TIGAR: variants seen among roughly 807,000 people sequenced by gnomAD.
TIGAR encodes TP53 induced glycolysis regulatory phosphatase, also known as fructose-2,6-bisphosphatase TIGAR.
Under a neutral mutation model 17.9 loss-of-function variants are expected in TIGAR, and 7 were observed. The ratio of observed to expected loss-of-function variants is 0.39; its 90% CI spans 0.22 to 0.73. TIGAR has a LOEUF of 0.73. TIGAR is among the 30% of genes least tolerant of loss of function. The pLI, the probability that TIGAR is intolerant of heterozygous loss-of-function variation, is 0.42. For synonymous variants in TIGAR, 94 were observed against 108.6 expected (o/e 0.87, Z 0.84); for missense variants, 258 against 327.4 (o/e 0.79, Z 1.64).
chr12:4,332,543 C>T (rs543734038), intron 2 of TIGAR, among the ~76,000 whole-genome samples: 1 of 152,330 alleles, frequency 6.6e-6, no homozygotes, highest in Admixed American at 6.5e-5. Context: ...CGCACGCGGC[C>T]TCAAGGCTTA....
In TIGAR at chr12:4,324,645, C is replaced by T. The variant is rs115257994; in HGVS notation, c.32+3342C>T. 3.1e-3 allele frequency: 4,224 copies of T among 1,367,986 alleles called. 97 individuals are homozygous for T. The African/African-American group carries it at 0.051, about 17-fold the overall frequency. 84.7% of individuals were successfully genotyped at this position (1,367,986 alleles called of 1,614,324 possible). ...TGGCCTTGCGCAGGCGCTTCAGCAG[C>T]GAGTTCTGTTTCCGCCGCAGGCCCG... On this transcript the variant is annotated intron_variant, in intron 1 of 5. Transcript: ENST00000179259.
intron 3 of TIGAR, among the ~76,000 whole-genome samples, chr12:4,338,975 C>CAAA (rs199840929): frequency 0.26 from 9,521 of 37,296 alleles, 1,446 homozygotes; most frequent in East Asian, 0.4. Context: ...AACTTTGTCT[C>CAAA]ACAAAAAAAA....
rs571146481 is a variant in TIGAR at position 4,342,962 on chromosome 12, A to T, written c.192+5802A>T. 2.6e-5 allele frequency among the ~76,000 whole-genome samples: 4 copies of T among 152,324 alleles called. No homozygotes were observed. The South Asian group carries it at 6.2e-4, about 24-fold the overall frequency. ...CTGGCAACTTGGATAAAGAGTCAAG[A>T]CCCATCAGTGTGCTGTATTCAGGAA... On this transcript the variant is annotated intron_variant, in intron 3 of 5. Coordinates refer to ENST00000179259, the MANE Select transcript of TIGAR (RefSeq NM_020375.3).
rs1864921997 is a variant in TIGAR, at chr12:4,357,827, GGC to G, written c.*5138_*5139del. Among the ~76,000 whole-genome samples, 1 of 151,172 alleles carries G rather than the reference GGC, an allele frequency of 6.6e-6. No individual in the cohort carries two copies. The highest frequency in any genetic ancestry group is 6.6e-5 in the Admixed American group (1 of 15,206). On this transcript the variant is annotated 3_prime_UTR_variant, in exon 6 of 6. Transcript: ENST00000179259. ...GACCAAGCAATCGCTGAGGTGGCTG[GGC>G]GTGGTGGCTCGCACCTGTAATCCCA...
intron 2 of TIGAR, among the ~76,000 whole-genome samples, chr12:4,331,740 A>C (rs117685143): frequency 6.6e-6 from 1 of 152,112 alleles, no homozygotes; most frequent in Non-Finnish European, 1.5e-5. Context: ...AAAAAGAACT[A>C]TTTTCACATG....
At chr12:4,333,715 C>T (rs142735955) in intron 2 of TIGAR, among the ~76,000 whole-genome samples, 13 of 152,202 alleles carry the variant, frequency 8.5e-5, no homozygotes, top group Admixed American at 4.6e-4. Flanking sequence ...CCACCCACCT[C>T]GGCCTCCCAA....
intron 3 of TIGAR, among the ~76,000 whole-genome samples, chr12:4,339,188 C>G (rs927970208): frequency 6.6e-6 from 1 of 151,546 alleles, no homozygotes; most frequent in African/African-American, 2.4e-5. Context: ...GATAAAGATC[C>G]AAATAGGTAA....
Position 4,321,994 on chromosome 12 carries a change from T to TTA in TIGAR, c.32+692_32+693insAT, listed in dbSNP as rs1367344555. Among the ~76,000 whole-genome samples, 6 of 114,760 alleles carry TTA rather than the reference T, an allele frequency of 5.2e-5. No individual in the cohort carries two copies. The highest frequency in any genetic ancestry group is 1.9e-4 in the African/African-American group (6 of 32,406). 75.3% of individuals were successfully genotyped at this position (114,760 alleles called of 152,430 possible). A position where few individuals can be genotyped will look rare whatever the true frequency, so the allele number is the denominator to read the frequency against. Reference sequence around the variant, plus strand: ...GGTAGTTAAGAGCACAGATTTTTATTTTTATTTTTTTTTTTTTGTGAGATG... The same window carrying TTA: ...GGTAGTTAAGAGCACAGATTTTTATTTATTTATTTTTTTTTTTTTGTGAGATG... On this transcript the variant is annotated intron_variant, in intron 1 of 5. Coordinates refer to ENST00000179259, the MANE Select transcript of TIGAR (RefSeq NM_020375.3). This position sits in a 1 kb window ranked among gnomAD's most constrained non-coding sequence, Gnocchi z 5.2.
intron 3 of TIGAR, among the ~76,000 whole-genome samples, chr12:4,345,446 A>G (rs1214430221): frequency 5.3e-5 from 8 of 152,222 alleles, no homozygotes; most frequent in Admixed American, 1.3e-4. Flanking sequence ...GCCCTCAGAA[A>G]TAATACCACA....
rs34361486 is a variant in TIGAR at position 4,354,896 on chromosome 12, CTT to C, written c.*2218_*2219del. Among the ~76,000 whole-genome samples the C allele has an allele frequency of 7.1e-5, 10 of 139,954 alleles. No individual in the cohort carries two copies. Among genetic ancestry groups the C allele is most frequent in the Non-Finnish European group, 7.8e-5 (5 of 64,334 alleles). The allele number at this position is 139,954 out of a possible 152,430, so 91.8% of individuals were successfully genotyped here. A position where few individuals can be genotyped will look rare whatever the true frequency, so the allele number is the denominator to read the frequency against. On this transcript the variant is annotated 3_prime_UTR_variant, in exon 6 of 6. Transcript: ENST00000179259. ...ACAGGCATGCACCACCACGCCTGGC[CTT>C]TTTTTTTTTTTTAGTAGAGACGGGG... is the stretch of plus-strand genomic sequence containing the variant.
Position 4,352,709 on chromosome 12 carries a change from A to G in TIGAR, c.*18A>G, listed in dbSNP as rs1162823622. 1 of 1,587,742 alleles carries G rather than the reference A, an allele frequency of 6.3e-7. No individual in the cohort carries two copies. ...CTCGCTAAGGTTAAATCTGCATCAA[A>G]ATCTAACCATTTTGAGCCTCTGAAG... On this transcript the variant is annotated 3_prime_UTR_variant, in exon 6 of 6. Transcript: ENST00000179259.
At position 4,338,975 on chromosome 12, in the gene TIGAR, C is replaced by CAAAAAAA. The variant is rs199840929; in HGVS notation, c.192+1816_192+1817insAAAAAAA. On this transcript the variant is annotated intron_variant, in intron 3 of 5. Coordinates refer to ENST00000179259, the MANE Select transcript of TIGAR (RefSeq NM_020375.3). Reference sequence around the variant, plus strand: ...TGGGCAACAAAGCAAAACTTTGTCTCACAAAAAAAAAAAAAAAAAAAAAGA... The same window carrying CAAAAAAA: ...TGGGCAACAAAGCAAAACTTTGTCTCAAAAAAAACAAAAAAAAAAAAAAAAAAAAAGA... Among the ~76,000 whole-genome samples, 12 of 38,144 alleles carry CAAAAAAA rather than the reference C, an allele frequency of 3.1e-4. 1 individual carries two copies. Among genetic ancestry groups the CAAAAAAA allele is most frequent in the African/African-American group, 8.8e-4 (9 of 10,242 alleles). The allele number at this position is 38,144 out of a possible 152,430, so 25.0% of individuals were successfully genotyped here. A position where few individuals can be genotyped will look rare whatever the true frequency, so the allele number is the denominator to read the frequency against.
chr12:4,341,883 G>A (rs10849043), intron 3 of TIGAR, among the ~76,000 whole-genome samples: 34,617 of 152,214 alleles, frequency 0.23, 3,983 homozygotes, highest in South Asian at 0.29. Flanking sequence ...AAAGCTGGAC[G>A]GAGAATGACT....
In TIGAR at chr12:4,321,222, TGCAGGGGCAGCGC is replaced by T; in HGVS notation, c.-48_-36del. ...GTGGTGTGGGGGAGGTAGCCCGCAG[TGCAGGGGCAGCGC>T]GGCGCGGGGCCACCGACGGGACGCG... On this transcript the variant is annotated 5_prime_UTR_variant, in exon 1 of 6. Transcript: ENST00000179259. The surrounding 1 kb of genome is among the most constrained non-coding windows in gnomAD (Gnocchi z 5.2). 6.3e-7 allele frequency: 1 copy of T among 1,598,814 alleles called. No individual in the cohort carries two copies. The highest frequency in any genetic ancestry group is 8.5e-7 in the Non-Finnish European group (1 of 1,179,270).
intron 3 of TIGAR, among the ~76,000 whole-genome samples, chr12:4,338,433 G>A (rs554965633): frequency 3.2e-4 from 49 of 152,262 alleles, no homozygotes; most frequent in African/African-American, 1.1e-3. Flanking sequence ...AGAGGTCTCC[G>A]TGAGTTAAGG....
rs1457413597 is a variant in TIGAR at position 4,356,658 on chromosome 12, G to T, written c.*3967G>T. On this transcript the variant is annotated 3_prime_UTR_variant, in exon 6 of 6. Coordinates refer to ENST00000179259, the MANE Select transcript of TIGAR (RefSeq NM_020375.3). ...GCATGATCTGTGGGTTTGGACAAAC[G>T]TATGAAGACATGTATTCCACCATTA... Among the ~76,000 whole-genome samples, 1 of 152,192 alleles carries T rather than the reference G, an allele frequency of 6.6e-6. No homozygotes were observed.
In TIGAR at chr12:4,357,811, A is replaced by G. The variant is rs1018616261; in HGVS notation, c.*5120A>G. 2.0e-5 allele frequency among the ~76,000 whole-genome samples: 3 copies of G among 151,940 alleles called. No homozygotes were observed. Among genetic ancestry groups the G allele is most frequent in the Non-Finnish European group, 2.9e-5 (2 of 67,866 alleles). ...TTCTTAGTAATTTTGTGACCAAGCA[A>G]TCGCTGAGGTGGCTGGGCGTGGTGG... On this transcript the variant is annotated 3_prime_UTR_variant, in exon 6 of 6. Coordinates refer to ENST00000179259, the MANE Select transcript of TIGAR (RefSeq NM_020375.3).
chr12:4,329,379 C>G (rs1315478759), intron 1 of TIGAR, among the ~76,000 whole-genome samples: 1 of 131,614 alleles, frequency 7.6e-6, no homozygotes. Flanking sequence ...TGCTCTCTCA[C>G]CCATACTGGA....
At chr12:4,343,499 C>T (rs867693192) in intron 3 of TIGAR, among the ~76,000 whole-genome samples, 3 of 152,296 alleles carry the variant, frequency 2.0e-5, no homozygotes, top group Middle Eastern at 3.4e-3. Context: ...CATTCCTCAG[C>T]AAATGCAAAA....
Sources: gnomAD v4.1 joint callset for allele counts (sites outside exome capture counted in the v4.1 genomes callset) on GRCh38, gnomAD v4.1.1 for gene constraint, Gnocchi (gnomAD v3.1) non-coding constraint, MANE v1.5 for transcripts, NCBI Gene and HGNC (gene_info 2026-07-23, HGNC 2026-07-21) for gene names.